EIPR1: variants seen among roughly 807,000 people sequenced by gnomAD.
The protein encoded by EIPR1 is EARP and GARP complex-interacting protein 1.
In EIPR1, 25 loss-of-function variants were observed where a neutral mutation model predicts 48.1. The ratio of observed to expected loss-of-function variants is 0.52; its 90% CI spans 0.38 to 0.73. The LOEUF is 0.73. EIPR1 is among the 30% of genes least tolerant of loss of function. The probability of loss-of-function intolerance (pLI) is 0.00; values close to 1 mark genes in which losing one functional copy is unlikely to be tolerated. For synonymous variants in EIPR1, 204 were observed against 201.9 expected, an observed-to-expected ratio of 1.01 and a Z score of -0.09; for missense variants, 415 against 506.2, an observed-to-expected ratio of 0.82 and a Z score of 1.73.
chr2:3,338,211 ACAT>A (rs2103351960), intron 2 of EIPR1, 62 bp from the exon 3 acceptor site: 8 of 1,570,298 alleles, frequency 5.1e-6, no homozygotes, highest in South Asian at 4.7e-5. Flanking sequence ...CCTTCATCAG[ACAT>A]CATGATTACA....
At chr2:3,319,951 A>T (rs987045608) in intron 3 of EIPR1, 3 of 153,486 alleles carry the variant, frequency 2.0e-5, no homozygotes, top group African/African-American at 9.9e-5. Flanking sequence ...GGGCAACACC[A>T]CCCCTGCGGG....
chr2:3,313,143 C>A (rs905205671), intron 3 of EIPR1, among the ~76,000 whole-genome samples: 1 of 152,174 alleles, frequency 6.6e-6, no homozygotes, highest in Non-Finnish European at 1.5e-5. Context: ...GCCAAAGCTG[C>A]GATGAGGGCT....
At chr2:3,208,519 A>G in intron 5 of EIPR1, 1 of 1,545,030 alleles carries the variant, frequency 6.5e-7, no homozygotes, top group South Asian at 1.2e-5. Flanking sequence ...TCTGTGTCTG[A>G]TTAAAAGGAC....
chr2:3,354,472 G>A, intron 2 of EIPR1, 78 bp downstream of exon 2: 1 of 1,360,776 alleles, frequency 7.3e-7, no homozygotes, highest in Non-Finnish European at 1.0e-6. Context: ...AATGTTGCTG[G>A]AAAATCAGAG....
chr2:3,225,867 A>G (rs994269745), intron 4 of EIPR1, among the ~76,000 whole-genome samples: 3 of 151,794 alleles, frequency 2.0e-5, no homozygotes, highest in African/African-American at 4.8e-5. Context: ...ACTTTTTCAG[A>G]CTCCACAGGT....
At chr2:3,276,986 G>A (rs554098873) in intron 3 of EIPR1, among the ~76,000 whole-genome samples, 15 of 152,300 alleles carry the variant, frequency 9.8e-5, no homozygotes, top group African/African-American at 3.6e-4. Context: ...AAACCTGTTT[G>A]TCAGTTACGG....
chr2:3,235,104 C>T (rs1050365184), intron 4 of EIPR1, among the ~76,000 whole-genome samples: 3 of 152,210 alleles, frequency 2.0e-5, no homozygotes, highest in East Asian at 3.8e-4. Context: ...AACATGCAAA[C>T]TTGCACATCA....
chr2:3,270,927 T>G (rs530591814), intron 3 of EIPR1, among the ~76,000 whole-genome samples: 4 of 152,368 alleles, frequency 2.6e-5, no homozygotes, highest in Admixed American at 2.6e-4. Context: ...CAGTAGAACT[T>G]CTTTCAAAAT....
At chr2:3,345,462 T>TAAA (rs58881823) in intron 2 of EIPR1, among the ~76,000 whole-genome samples, 25,212 of 151,400 alleles carry the variant, frequency 0.17, 2,636 homozygotes, top group East Asian at 0.4. Flanking sequence ...CCGTCTCTAC[T>TAAA]AAAAATATAA....
intron 3 of EIPR1, among the ~76,000 whole-genome samples, chr2:3,295,195 TACAC>T (rs145901031): frequency 7.6e-6 from 1 of 130,780 alleles, no homozygotes; most frequent in Non-Finnish European, 1.6e-5. Flanking sequence ...TTGTCCTCTC[TACAC>T]ACACACACCC....
At chr2:3,259,035 T>C (rs1181818006) in intron 3 of EIPR1, among the ~76,000 whole-genome samples, 5 of 152,040 alleles carry the variant, frequency 3.3e-5, no homozygotes, top group African/African-American at 1.2e-4. Flanking sequence ...AAAGGGAAAG[T>C]TGGCAATTTG....
intron 1 of EIPR1, among the ~76,000 whole-genome samples, chr2:3,368,075 C>T (rs1249162199): frequency 3.3e-5 from 5 of 152,052 alleles, no homozygotes; most frequent in Non-Finnish European, 7.4e-5. Flanking sequence ...AATTTAATCT[C>T]CATCTTCCAT....
At chr2:3,226,554 T>C (rs1369446754) in intron 4 of EIPR1, among the ~76,000 whole-genome samples, 1 of 152,258 alleles carries the variant, frequency 6.6e-6, no homozygotes, top group Non-Finnish European at 1.5e-5. Flanking sequence ...TCTTCCACTC[T>C]GTACGCTGCC....
chr2:3,218,097 A>G (rs1277281526), intron 4 of EIPR1, among the ~76,000 whole-genome samples: 1 of 151,920 alleles, frequency 6.6e-6, no homozygotes. Context: ...TACACTCTAG[A>G]GCATTCACAG....
intron 3 of EIPR1, among the ~76,000 whole-genome samples, chr2:3,332,769 T>C (rs1669938721): frequency 6.6e-6 from 1 of 152,240 alleles, no homozygotes; most frequent in Non-Finnish European, 1.5e-5. Context: ...TCCATGAGTT[T>C]ATTGTGCTAC....
chr2:3,356,674 G>A (rs978418882), intron 1 of EIPR1, among the ~76,000 whole-genome samples: 21 of 152,216 alleles, frequency 1.4e-4, no homozygotes, highest in Admixed American at 5.9e-4. Flanking sequence ...ACCTTGAGAT[G>A]AGGAGGCTCT....
At chr2:3,295,973 GCA>G (rs1668568734) in intron 3 of EIPR1, among the ~76,000 whole-genome samples, 1 of 26,636 alleles carries the variant, frequency 3.8e-5, no homozygotes, top group African/African-American at 1.6e-4. Context: ...TCCTCTCTCT[GCA>G]CACACACCCT....
chr2:3,206,911 T>C (rs1665255099), intron 5 of EIPR1, among the ~76,000 whole-genome samples: 3 of 152,174 alleles, frequency 2.0e-5, no homozygotes, highest in South Asian at 4.2e-4. Context: ...GAGCAGCGCG[T>C]CATGAAAGCA....
intron 3 of EIPR1, among the ~76,000 whole-genome samples, chr2:3,288,869 T>A (rs1668285440): frequency 6.6e-6 from 1 of 152,096 alleles, no homozygotes; most frequent in South Asian, 2.1e-4. Flanking sequence ...ATGGGATGGG[T>A]AGGAGGGCCA....
Sources: allele counts gnomAD v4.1 joint callset (sites outside exome capture counted in the v4.1 genomes callset), GRCh38; gene constraint gnomAD v4.1.1; transcripts MANE v1.5; gene names NCBI Gene and HGNC (gene_info 2026-07-23, HGNC 2026-07-21).